The following P2RY14 variants were observed in gnomAD, a reference collection of about 807,000 sequenced individuals.
The protein encoded by P2RY14 is purinergic receptor P2Y14.
Under a neutral mutation model 0.9 loss-of-function variants are expected in P2RY14, and 2 were observed. That is an observed-to-expected ratio of 2.16 (90% CI 0.88 to 6.79). The LOEUF (loss-of-function observed/expected upper bound fraction) is 6.79, where lower values mean the gene tolerates loss of function less well. P2RY14 is among the 30% of genes most tolerant of loss of function. The pLI is 0.05. For missense variants in P2RY14, 378 were observed against 400.1 expected (o/e 0.94, Z 0.47); for synonymous variants, 158 against 147.2 (o/e 1.07, Z -0.53).
chr3:151,238,675 C>G (rs549421506), intron 1 of P2RY14, among the ~76,000 whole-genome samples: 2 of 136,796 alleles, frequency 1.5e-5, no homozygotes, highest in East Asian at 4.1e-4. Context: ...TTATACCTTA[C>G]TGACATACAA....
intron 1 of P2RY14, among the ~76,000 whole-genome samples, chr3:151,252,417 A>AT (rs1737037158): frequency 6.6e-6 from 1 of 152,078 alleles, no homozygotes; most frequent in South Asian, 2.1e-4. Context: ...ATAAATACTG[A>AT]TTTTTAATTG....
At chr3:151,245,598 T>G (rs1280766370) in intron 1 of P2RY14, among the ~76,000 whole-genome samples, 1,328 of 106,364 alleles carry the variant, frequency 0.012, no homozygotes, top group African/African-American at 0.037. Flanking sequence ...CTCAATAAAT[T>G]AGGTATTGAT....
intron 1 of P2RY14, among the ~76,000 whole-genome samples, chr3:151,227,448 C>T (rs1730756516): frequency 6.6e-6 from 1 of 152,218 alleles, no homozygotes; most frequent in South Asian, 2.1e-4. Context: ...GATTTATAAA[C>T]TGATAACGTC....
At chr3:151,257,049 A>T (rs1177835105) in intron 1 of P2RY14, among the ~76,000 whole-genome samples, 1 of 152,126 alleles carries the variant, frequency 6.6e-6, no homozygotes, top group African/African-American at 2.4e-5. Context: ...AAGCAGCACG[A>T]TACAGCTGCT....
In P2RY14 at chr3:151,213,776, G is replaced by C. The variant is rs202142868; in HGVS notation, c.541C>G (p.Arg181Gly). 6.2e-7 allele frequency: 1 copy of C among 1,614,078 alleles called. No individual in the cohort carries two copies. The highest frequency in any genetic ancestry group is 8.5e-7 in the Non-Finnish European group (1 of 1,179,972). ...KCIELKSELGRKWHKASNYIF... is the reference protein window; with the variant it reads ...KCIELKSELGGKWHKASNYIF... ...TAGTTTGATGCTTTGTGCCACTTCC[G>C]TCCCAGTTCACTTTTCAGTTCTATA... Residue 181 changes from arginine (R) to glycine (G), a missense_variant, in exon 3 of 3, where the codon CGG (arginine) becomes GGG (glycine). Transcript: ENST00000309170.
chr3:151,220,136 C>G (rs966545124), intron 1 of P2RY14, among the ~76,000 whole-genome samples: 1 of 147,704 alleles, frequency 6.8e-6, no homozygotes, highest in Non-Finnish European at 1.5e-5. Context: ...TGCCAGTAAC[C>G]CACTACCCAA....
intron 1 of P2RY14, among the ~76,000 whole-genome samples, chr3:151,267,751 A>G (rs764041386): frequency 6.6e-6 from 1 of 152,160 alleles, no homozygotes; most frequent in Non-Finnish European, 1.5e-5. Context: ...CATTAAAAAG[A>G]ATTGCCTAAT....
At chr3:151,232,752 C>T (rs1217460380) in intron 1 of P2RY14, among the ~76,000 whole-genome samples, 1 of 152,000 alleles carries the variant, frequency 6.6e-6, no homozygotes, top group Non-Finnish European at 1.5e-5. Flanking sequence ...CTCATGGACA[C>T]AAAGGGAACA....
chr3:151,219,154 T>A (rs1024649987), intron 2 of P2RY14, among the ~76,000 whole-genome samples: 59 of 152,182 alleles, frequency 3.9e-4, no homozygotes, highest in African/African-American at 1.2e-3. Flanking sequence ...TCAATCTGAT[T>A]TAGATAGTGA....
rs148781918 is a variant in P2RY14, at chr3:151,267,945, G to A, written c.-133+10342C>T. On this transcript the variant is annotated intron_variant, in intron 1 of 2. Transcript: ENST00000309170. ...CAGTTGCTAAGTACTTAAGAAATGC[G>A]CTATTATCCTAATTTATGAATTTCT... Among the ~76,000 whole-genome samples the A allele has an allele frequency of 7.1e-3, 1,080 of 152,170 alleles. 14 individuals are homozygous for A. The highest frequency in any genetic ancestry group is 0.024 in the African/African-American group (1,007 of 41,528).
intron 1 of P2RY14, among the ~76,000 whole-genome samples, chr3:151,238,387 T>C (rs542736062): frequency 2.0e-5 from 3 of 152,300 alleles, no homozygotes; most frequent in African/African-American, 7.2e-5. Flanking sequence ...CCTCAGGTGA[T>C]CCACCCGCCT....
intron 1 of P2RY14, among the ~76,000 whole-genome samples, chr3:151,265,146 A>G (rs966877319): frequency 6.6e-5 from 10 of 152,222 alleles, no homozygotes; most frequent in Non-Finnish European, 1.2e-4. Context: ...GCCAGCACCT[A>G]GAGCAGTATC....
At chr3:151,239,714 G>T (rs1733688207) in intron 1 of P2RY14, among the ~76,000 whole-genome samples, 1 of 152,096 alleles carries the variant, frequency 6.6e-6, no homozygotes, top group African/African-American at 2.4e-5. Flanking sequence ...CCAAAAATTT[G>T]AGAATTCTTG....
intron 1 of P2RY14, among the ~76,000 whole-genome samples, chr3:151,230,751 A>T (rs1731505779): frequency 6.6e-6 from 1 of 152,220 alleles, no homozygotes. Flanking sequence ...TCTGTAAGTC[A>T]TGACACCCCA....
chr3:151,218,709 A>G (rs1418910796), intron 2 of P2RY14, among the ~76,000 whole-genome samples: 1 of 151,832 alleles, frequency 6.6e-6, no homozygotes, highest in Non-Finnish European at 1.5e-5. Flanking sequence ...TCTACTAAAA[A>G]TAAAAAAATT....
chr3:151,274,390 C>T (rs1047701946), intron 1 of P2RY14, among the ~76,000 whole-genome samples: 3 of 152,150 alleles, frequency 2.0e-5, no homozygotes, highest in African/African-American at 7.2e-5. Flanking sequence ...CATATCCTCC[C>T]TCTTCCTTTT....
chr3:151,256,155 C>T lies in P2RY14; in HGVS notation c.-133+22132G>A, dbSNP rs75168894. 3.0e-3 allele frequency among the ~76,000 whole-genome samples: 450 copies of T among 152,244 alleles called. 3 individuals are homozygous for T. The highest frequency in any genetic ancestry group is 0.01 in the African/African-American group (431 of 41,538). Reference sequence around the variant, plus strand: ...AAATTTGAGTAGGTCTTTGACCCAGCCACTGTGGTTATAGGAAGGCTCTTT... The same window carrying T: ...AAATTTGAGTAGGTCTTTGACCCAGTCACTGTGGTTATAGGAAGGCTCTTT... On this transcript the variant is annotated intron_variant, in intron 1 of 2. Coordinates refer to ENST00000309170, the MANE Select transcript of P2RY14 (RefSeq NM_014879.4).
intron 1 of P2RY14, among the ~76,000 whole-genome samples, chr3:151,246,654 C>T (rs934129766): frequency 6.6e-6 from 1 of 152,214 alleles, no homozygotes; most frequent in African/African-American, 2.4e-5. Context: ...GTTAGACCTA[C>T]AACCATAAAA....
intron 1 of P2RY14, among the ~76,000 whole-genome samples, chr3:151,227,170 T>C (rs1371908677): frequency 6.6e-6 from 1 of 152,252 alleles, no homozygotes; most frequent in Non-Finnish European, 1.5e-5. Flanking sequence ...TAAAATTGGC[T>C]GAATGGTGTG....
Sources: allele counts gnomAD v4.1 joint callset (sites outside exome capture counted in the v4.1 genomes callset), GRCh38; gene constraint gnomAD v4.1.1; transcripts MANE v1.5; gene names NCBI Gene and HGNC (gene_info 2026-07-23, HGNC 2026-07-21).